Variants in MGST2 observed in about 807,000 individuals in gnomAD.
MGST2 encodes microsomal glutathione S-transferase 2, also known as glutathione peroxidase MGST2.
In MGST2, 9 loss-of-function variants were observed where a neutral mutation model predicts 16.6. That is an observed-to-expected ratio of 0.54 (90% CI 0.33 to 0.95). The LOEUF (loss-of-function observed/expected upper bound fraction) is 0.95. Ranked by LOEUF, MGST2 falls within the 40% of genes least tolerant of loss-of-function variation. MGST2 has a pLI of 0.03. For synonymous variants in MGST2, 79 were observed against 68.0 expected (o/e 1.16, Z -0.79); for missense variants, 159 against 175.1 (o/e 0.91, Z 0.52).
chr4:139,722,384 GA>G (rs1560768533), intron 5 of MGST2, among the ~76,000 whole-genome samples: 1 of 151,982 alleles, frequency 6.6e-6, no homozygotes, highest in Non-Finnish European at 1.5e-5. Context: ...ATATACAAAG[GA>G]AAAAAATTCA....
chr4:139,699,948 C>T (rs1337140903), intron 3 of MGST2, among the ~76,000 whole-genome samples: 1 of 152,024 alleles, frequency 6.6e-6, no homozygotes, highest in East Asian at 1.9e-4. Context: ...GAGAGGAGCT[C>T]TCAAGCCCAA....
chr4:139,744,521 G>A (rs1729262446), downstream of MGST2, among the ~76,000 whole-genome samples: 1 of 152,184 alleles, frequency 6.6e-6, no homozygotes, highest in East Asian at 1.9e-4. Context: ...ACCTCCCCCT[G>A]AAGTCTGAGC....
chr4:139,728,655 G>A (rs751318160), intron 5 of MGST2, among the ~76,000 whole-genome samples: 1 of 152,128 alleles, frequency 6.6e-6, no homozygotes, highest in African/African-American at 2.4e-5. Context: ...CACAGGTCAC[G>A]GCTTCCCATT....
chr4:139,735,377 G>C lies in MGST2; in HGVS notation c.*49-4835G>C, dbSNP rs886796578. On this transcript the variant is annotated intron_variant, in intron 5 of 5. Transcript: ENST00000616265. This position sits in a 1 kb window ranked among gnomAD's most constrained non-coding sequence, Gnocchi z 5.8. The stretch of plus-strand genomic sequence containing the variant: ...TACCGACTTTTCTTCCAGCCGGAGG[G>C]GAGGAAGAATTCAAGTGGGGGAGGG... Among the ~76,000 whole-genome samples, 4 of 152,106 alleles carry C rather than the reference G, an allele frequency of 2.6e-5. No homozygotes were observed. The highest frequency in any genetic ancestry group is 9.7e-5 in the African/African-American group (4 of 41,424).
intron 2 of MGST2, among the ~76,000 whole-genome samples, chr4:139,688,477 A>G (rs1726374809): frequency 6.6e-6 from 1 of 152,002 alleles, no homozygotes. Context: ...GGTACCCTTT[A>G]GAAATATTAG....
At chr4:139,699,313 A>T (rs1242589588) in intron 3 of MGST2, among the ~76,000 whole-genome samples, 1 of 152,242 alleles carries the variant, frequency 6.6e-6, no homozygotes, top group East Asian at 1.9e-4. Flanking sequence ...TACAAGTGGC[A>T]TCATGCATTA....
At chr4:139,697,368 C>T (rs1726987257) in intron 3 of MGST2, among the ~76,000 whole-genome samples, 1 of 151,986 alleles carries the variant, frequency 6.6e-6, no homozygotes, top group African/African-American at 2.4e-5. Flanking sequence ...AGGCAGATAT[C>T]CTTTCTCCTC....
At chr4:139,667,298 T>G (rs1455512473) in intron 1 of MGST2, among the ~76,000 whole-genome samples, 1 of 152,114 alleles carries the variant, frequency 6.6e-6, no homozygotes, top group African/African-American at 2.4e-5. Flanking sequence ...AGGCTAAACC[T>G]AATTTAGCAG....
intron 2 of MGST2, among the ~76,000 whole-genome samples, chr4:139,689,049 G>C (rs1726412687): frequency 1.4e-5 from 2 of 147,240 alleles, no homozygotes; most frequent in Admixed American, 1.4e-4. Flanking sequence ...GGAGGTTGCA[G>C]TGAGCTGAGA....
chr4:139,732,356 G>C (rs1728758891), intron 5 of MGST2, among the ~76,000 whole-genome samples: 1 of 152,064 alleles, frequency 6.6e-6, no homozygotes, highest in African/African-American at 2.4e-5. Context: ...AACCATGCAG[G>C]CTTCCCTCTC....
chr4:139,681,344 C>G (rs190975042), intron 2 of MGST2, among the ~76,000 whole-genome samples: 1 of 152,170 alleles, frequency 6.6e-6, no homozygotes, highest in East Asian at 1.9e-4. Flanking sequence ...ATTATTTCTT[C>G]CCCCAGATTT....
chr4:139,698,824 C>CT (rs202169540), intron 3 of MGST2, among the ~76,000 whole-genome samples: 10,628 of 146,082 alleles, frequency 0.073, 419 homozygotes, highest in East Asian at 0.1. Context: ...TCTTCATCTT[C>CT]TTTTTTTTTT....
chr4:139,679,032 G>T (rs1347497759), intron 2 of MGST2: 1 of 225,786 alleles, frequency 4.4e-6, no homozygotes, highest in African/African-American at 2.3e-5. Flanking sequence ...AACAGAGGTA[G>T]ATCAGGATTA....
chr4:139,689,595 T>C (rs1030558633), intron 2 of MGST2, among the ~76,000 whole-genome samples: 2 of 152,172 alleles, frequency 1.3e-5, no homozygotes, highest in East Asian at 1.9e-4. Flanking sequence ...AAATGGCTCA[T>C]GGCAGTGTAC....
chr4:139,667,699 A>C (rs1240407559), intron 1 of MGST2, among the ~76,000 whole-genome samples: 1 of 152,020 alleles, frequency 6.6e-6, no homozygotes, highest in African/African-American at 2.4e-5. Context: ...CTCTACTTAA[A>C]ATACACAAAT....
chr4:139,721,159 A>C (rs1579357286), intron 5 of MGST2, among the ~76,000 whole-genome samples: 2 of 152,332 alleles, frequency 1.3e-5, no homozygotes, highest in South Asian at 2.1e-4. Flanking sequence ...TCTCTCAGCA[A>C]ATTGCTAACA....
At chr4:139,682,830 A>C (rs1480579903) in intron 2 of MGST2, among the ~76,000 whole-genome samples, 1 of 151,756 alleles carries the variant, frequency 6.6e-6, no homozygotes, top group Admixed American at 6.6e-5. Context: ...GACACATTGA[A>C]GGGTGAGTAG....
chr4:139,676,789 T>C lies in MGST2; in HGVS notation c.59-1754T>C, dbSNP rs1013854649. 2.6e-5 allele frequency among the ~76,000 whole-genome samples: 4 copies of C among 152,224 alleles called. No homozygotes were observed. In the East Asian group the frequency reaches 7.7e-4, roughly 29 times the overall value. On this transcript the variant is annotated intron_variant, in intron 1 of 4. Coordinates refer to ENST00000265498, the MANE Select transcript of MGST2 (RefSeq NM_002413.5). ...GTGAATATTTGTGTACAATTCTTTG[T>C]ACTGAAGGAAATAAAAATATTTTAC...
intron 3 of MGST2, among the ~76,000 whole-genome samples, chr4:139,702,685 T>A (rs1250187704): frequency 1.3e-5 from 2 of 151,962 alleles, no homozygotes; most frequent in Non-Finnish European, 2.9e-5. Flanking sequence ...TTCTCTTGGG[T>A]AAATACATAG....
Sources: allele counts gnomAD v4.1 joint callset (sites outside exome capture counted in the v4.1 genomes callset), GRCh38; gene constraint gnomAD v4.1.1; non-coding constraint Gnocchi (gnomAD v3.1); transcripts MANE v1.5; gene names NCBI Gene and HGNC (gene_info 2026-07-23, HGNC 2026-07-21).